PIR: variants seen among roughly 807,000 people sequenced by gnomAD.
PIR encodes the protein pirin (iron-binding nuclear protein).
A neutral mutation model predicts 24.2 loss-of-function variants in PIR; 22 were observed. The ratio of observed to expected loss-of-function variants is 0.91; its 90% CI spans 0.65 to 1.30. The LOEUF (loss-of-function observed/expected upper bound fraction) is 1.30, where lower values mean the gene tolerates loss of function less well. PIR is among the 50% of genes most tolerant of loss of function. The pLI is 0.00. For missense variants in PIR, 220 were observed against 220.3 expected, an observed-to-expected ratio of 1.00 and a Z score of 0.01; for synonymous variants, 80 against 79.6, an observed-to-expected ratio of 1.00 and a Z score of -0.03.
At chrX:15,408,597 C>G (rs1246194972) in intron 6 of PIR, among the ~76,000 whole-genome samples, 1 of 111,835 alleles carries the variant, frequency 8.9e-6, no homozygotes, top group Non-Finnish European at 1.9e-5. Flanking sequence ...ATATATTGTA[C>G]CCATGGCTCA....
At chrX:15,465,347 G>C (rs1367370487) in intron 3 of PIR, among the ~76,000 whole-genome samples, 2 of 111,083 alleles carry the variant, frequency 1.8e-5, no homozygotes, top group African/African-American at 6.5e-5. Flanking sequence ...TTGTTTTTTT[G>C]CTAAGTAGTG....
chrX:15,419,632 A>T (rs1217149252), intron 6 of PIR, among the ~76,000 whole-genome samples: 1 of 111,383 alleles, frequency 9.0e-6, no homozygotes, highest in East Asian at 2.8e-4. Context: ...GTGGTAGTTC[A>T]TGCCTGTAAT....
At chrX:15,430,385 G>A (rs952452296) in intron 5 of PIR, among the ~76,000 whole-genome samples, 2 of 111,537 alleles carry the variant, frequency 1.8e-5, no homozygotes, top group African/African-American at 6.5e-5. Context: ...AAGCCTAATG[G>A]CTTAAAATAT....
intron 3 of PIR, among the ~76,000 whole-genome samples, chrX:15,467,336 T>G (rs1418620961): frequency 8.9e-6 from 1 of 112,621 alleles, no homozygotes; most frequent in Non-Finnish European, 1.9e-5. Flanking sequence ...TCACAAATGC[T>G]GACGGCATAT....
chrX:15,444,312 A>G (rs1029552038), intron 5 of PIR, among the ~76,000 whole-genome samples: 6 of 112,531 alleles, frequency 5.3e-5, no homozygotes, highest in Admixed American at 4.7e-4. Flanking sequence ...TCAGATGATC[A>G]TTAGCATTTT....
chrX:15,454,695 A>C (rs1015183341), intron 5 of PIR, among the ~76,000 whole-genome samples: 1 of 111,543 alleles, frequency 9.0e-6, no homozygotes, highest in Admixed American at 9.5e-5. Flanking sequence ...AGATAGTTTT[A>C]AGTGCTGGTT....
chrX:15,451,400 G>GA (rs75275359), intron 5 of PIR, among the ~76,000 whole-genome samples: 227 of 96,977 alleles, frequency 2.3e-3, no homozygotes, highest in Middle Eastern at 5.3e-3. Flanking sequence ...CACATTTAAA[G>GA]AAAAAAAAAA....
At chrX:15,467,713 C>T (rs750394536) in intron 3 of PIR, among the ~76,000 whole-genome samples, 1 of 111,677 alleles carries the variant, frequency 9.0e-6, no homozygotes, top group African/African-American at 3.3e-5. Context: ...TATTTTTTTA[C>T]GTTGTTCCCA....
intron 6 of PIR, among the ~76,000 whole-genome samples, chrX:15,411,925 T>A (rs73449349): frequency 0.076 from 8,489 of 112,419 alleles, 775 homozygotes; most frequent in African/African-American, 0.25. Context: ...TTAACATATA[T>A]GCTTTATCAT....
At chrX:15,468,518 T>C (rs762633752) in intron 3 of PIR, among the ~76,000 whole-genome samples, 18 of 112,933 alleles carry the variant, frequency 1.6e-4, no homozygotes, top group Admixed American at 1.6e-3. Flanking sequence ...CTCATGTCGA[T>C]TTTCCTTTTA....
At chrX:15,404,092 C>T (rs1375828957) in intron 7 of PIR, among the ~76,000 whole-genome samples, 6 of 109,750 alleles carry the variant, frequency 5.5e-5, no homozygotes, top group South Asian at 4.0e-4. Context: ...CTCTGCTCTC[C>T]GGGTTCAAGT....
intron 3 of PIR, among the ~76,000 whole-genome samples, chrX:15,461,448 C>G: frequency 8.9e-6 from 1 of 112,769 alleles, no homozygotes; most frequent in Non-Finnish European, 1.9e-5. Context: ...AGAGTAGCCA[C>G]TAGCGACATG....
At position 15,479,702 on chromosome X, in the gene PIR, C is replaced by T. The variant is rs763035620; in HGVS notation, c.189+27G>A. On this transcript the variant is annotated intron_variant, in intron 3 of 9. Transcript: ENST00000380420. ...AAAGAGGTATGTTTCAAAATACACACTTCTGCAGTCAAATTATTGTACTTA... is the reference window on the plus strand; with the variant it reads ...AAAGAGGTATGTTTCAAAATACACATTTCTGCAGTCAAATTATTGTACTTA... The T allele has an allele frequency of 4.5e-5, 36 of 807,254 alleles. No homozygotes were observed. The South Asian group carries it at 9.3e-4, about 21-fold the overall frequency. The allele number at this position is 807,254 out of a possible 1,213,427, so 66.5% of individuals were successfully genotyped here.
chrX:15,449,024 G>A (rs957034651), intron 5 of PIR, among the ~76,000 whole-genome samples: 1 of 111,702 alleles, frequency 9.0e-6, no homozygotes, highest in Non-Finnish European at 1.9e-5. Flanking sequence ...GAATTAAGGG[G>A]AAATGGGACA....
At chrX:15,470,893 G>A (rs1049385194) in intron 3 of PIR, among the ~76,000 whole-genome samples, 2 of 111,170 alleles carry the variant, frequency 1.8e-5, no homozygotes, top group African/African-American at 6.6e-5. Flanking sequence ...GTGAGCCACC[G>A]CGCCCAGCGC....
chrX:15,387,308 G>A (rs1923804283), intron 9 of PIR, among the ~76,000 whole-genome samples: 1 of 108,361 alleles, frequency 9.2e-6, no homozygotes, highest in Non-Finnish European at 1.9e-5. Flanking sequence ...TGTTGGCCAG[G>A]CTGGTCTCAA....
At chrX:15,415,980 TA>T (rs201398666) in intron 6 of PIR, among the ~76,000 whole-genome samples, 2,304 of 103,178 alleles carry the variant, frequency 0.022, 66 homozygotes, top group African/African-American at 0.074. Context: ...ATAGAAAGGT[TA>T]AAAAAAAAAG....
intron 8 of PIR, among the ~76,000 whole-genome samples, chrX:15,394,505 G>T (rs1405969909): frequency 2.7e-5 from 3 of 111,536 alleles, no homozygotes; most frequent in African/African-American, 9.8e-5. Context: ...TGTCTTCCTT[G>T]GTCCACTACG....
chrX:15,396,942 G>A (rs930035540), intron 8 of PIR, among the ~76,000 whole-genome samples: 8 of 111,405 alleles, frequency 7.2e-5, no homozygotes, highest in Admixed American at 1.9e-4. Flanking sequence ...GGGTTTCACC[G>A]TGTTAGCCAG....
Sources: gnomAD v4.1 joint callset for allele counts (sites outside exome capture counted in the v4.1 genomes callset) on GRCh38, gnomAD v4.1.1 for gene constraint, MANE v1.5 for transcripts, NCBI Gene and HGNC (gene_info 2026-07-23, HGNC 2026-07-21) for gene names.